The following USP25 variants were observed in gnomAD, a reference collection of about 807,000 sequenced individuals.
USP25 encodes ubiquitin carboxyl-terminal hydrolase 25.
A neutral mutation model predicts 158.5 loss-of-function variants in USP25; 85 were observed. That is an observed-to-expected ratio of 0.54 (90% CI 0.45 to 0.64). The LOEUF (loss-of-function observed/expected upper bound fraction) is 0.64, where lower values mean the gene tolerates loss of function less well. Ranked by LOEUF, USP25 falls within the 30% of genes least tolerant of loss-of-function variation. USP25 has a pLI of 0.00. For missense variants in USP25, 1,242 were observed against 1,327.3 expected (o/e 0.94, Z 1.00); for synonymous variants, 464 against 460.4 (o/e 1.01, Z -0.10).
At chr21:15,791,439 G>A in intron 4 of USP25, 63 bp from the exon 5 acceptor site, 1 of 1,429,690 alleles carries the variant, frequency 7.0e-7, no homozygotes, top group East Asian at 2.5e-5. Context: ...CTTTTAGAAT[G>A]TGTGATATGC....
At chr21:15,762,809 A>G in intron 1 of USP25, 82 bp from the exon 2 acceptor site, 2 of 1,332,640 alleles carry the variant, frequency 1.5e-6, no homozygotes, top group South Asian at 1.5e-5. Context: ...TTGTTTTGGA[A>G]AACCAAAGGT....
chr21:15,749,193 A>T (rs2032801677), intron 1 of USP25, among the ~76,000 whole-genome samples: 1 of 152,190 alleles, frequency 6.6e-6, no homozygotes, highest in Admixed American at 6.5e-5. Flanking sequence ...ACTTGTGAGT[A>T]CTTTGCCTTG....
At chr21:15,876,122 T>A (rs1407997448) in intron 24 of USP25, 2 of 152,194 alleles carry the variant, frequency 1.3e-5, no homozygotes, top group South Asian at 4.1e-4. Context: ...TTAGGGAGTC[T>A]AATAGGAGGA....
At chr21:15,862,230 A>T (rs1298936057) in intron 20 of USP25, among the ~76,000 whole-genome samples, 2 of 152,148 alleles carry the variant, frequency 1.3e-5, no homozygotes, top group Admixed American at 1.3e-4. Flanking sequence ...TGAGTATCCC[A>T]AATCCAGAAT....
chr21:15,808,330 G>A (rs895625676), intron 7 of USP25, among the ~76,000 whole-genome samples: 2 of 152,010 alleles, frequency 1.3e-5, no homozygotes, highest in African/African-American at 4.8e-5. Context: ...GGTAGATATG[G>A]CTTAAAAAGT....
chr21:15,805,353 C>A, intron 7 of USP25, 95 bp downstream of exon 7: 1 of 1,196,044 alleles, frequency 8.4e-7, no homozygotes, highest in Non-Finnish European at 1.1e-6. Context: ...ATTTGAGATG[C>A]ATGATTCTGC....
chr21:15,828,665 G>A (rs1290994438), intron 14 of USP25, among the ~76,000 whole-genome samples: 1 of 152,216 alleles, frequency 6.6e-6, no homozygotes, highest in Non-Finnish European at 1.5e-5. Context: ...TTGAGACGGA[G>A]TCTCGCTCTG....
chr21:15,860,965 T>G (rs1393718083), intron 20 of USP25, among the ~76,000 whole-genome samples: 40 of 141,942 alleles, frequency 2.8e-4, no homozygotes, highest in African/African-American at 9.6e-4. Context: ...TATATATATA[T>G]ATATATATAT....
chr21:15,813,901 T>G (rs74738114), intron 9 of USP25, among the ~76,000 whole-genome samples: 1,809 of 151,970 alleles, frequency 0.012, 37 homozygotes, highest in African/African-American at 0.042. Context: ...CCCTTTCAGT[T>G]TCTGATATAG....
chr21:15,787,561 A>G (rs2035348380), intron 4 of USP25, among the ~76,000 whole-genome samples: 1 of 152,148 alleles, frequency 6.6e-6, no homozygotes, highest in Non-Finnish European at 1.5e-5. Context: ...TAAAGAATAC[A>G]TAAATATTTT....
chr21:15,745,468 C>CT (rs2032459768), intron 1 of USP25, among the ~76,000 whole-genome samples: 1 of 130,282 alleles, frequency 7.7e-6, no homozygotes, highest in East Asian at 2.3e-4. Flanking sequence ...TTTTCTTTTT[C>CT]TTTTCTTTTT....
Position 15,775,739 on chromosome 21 carries a change from A to ACCGCCC in USP25, c.269-2163_269-2162insGCCCCC, listed in dbSNP as rs1306338460. On this transcript the variant is annotated intron_variant, in intron 3 of 25. Coordinates refer to ENST00000400183, the MANE Select transcript of USP25 (RefSeq NM_001283041.3). ...CAAAGGCAACAGGATAATGGTTGCCACCCCCCCCCCCCCCCGCCCCCGCTG... is the reference window on the plus strand; with the variant it reads ...CAAAGGCAACAGGATAATGGTTGCCACCGCCCCCCCCCCCCCCCCCCGCCCCCGCTG... Among the ~76,000 whole-genome samples, 17 of 14,052 alleles carry ACCGCCC rather than the reference A, an allele frequency of 1.2e-3. 1 individual carries two copies. Among genetic ancestry groups the ACCGCCC allele is most frequent in the Admixed American group, 1.8e-3 (2 of 1,102 alleles). The allele number at this position is 14,052 out of a possible 152,430, so 9.2% of individuals were successfully genotyped here.
In USP25 at chr21:15,805,197, T is replaced by C. The variant is rs1182437754; in HGVS notation, c.719T>C (p.Val240Ala). 3 of 1,610,520 alleles carry C rather than the reference T, an allele frequency of 1.9e-6. No individual in the cohort carries two copies. The highest frequency in any genetic ancestry group is 2.5e-6 in the Non-Finnish European group (3 of 1,178,592). Residue 240 changes from valine (V) to alanine (A), a missense_variant, in exon 7 of 26, where the codon GTT (valine) becomes GCT (alanine). By Grantham distance (64) the Val-to-Ala change is moderately conservative. This residue lies in a region of USP25 where 627 missense variants were observed against 701.4 expected (regional missense o/e 0.89). Transcript: ENST00000400183. ...CTTGTTGGTACCAAAAGGAAGTATGTTGATCCATCAAGAGCAGTTGAAATT... is the reference window on the plus strand; with the variant it reads ...CTTGTTGGTACCAAAAGGAAGTATGCTGATCCATCAAGAGCAGTTGAAATT... ...ALLVGTKRKYVDPSRAVEILK... is the reference protein window; with the variant it reads ...ALLVGTKRKYADPSRAVEILK...
intron 21 of USP25, among the ~76,000 whole-genome samples, chr21:15,864,878 A>G (rs976247301): frequency 3.3e-5 from 5 of 152,128 alleles, no homozygotes; most frequent in Non-Finnish European, 7.4e-5. Context: ...ATCTCCAGGT[A>G]TTGCCAAATA....
At chr21:15,775,292 C>T (rs1476291007) in intron 3 of USP25, among the ~76,000 whole-genome samples, 1 of 152,126 alleles carries the variant, frequency 6.6e-6, no homozygotes, top group Non-Finnish European at 1.5e-5. Flanking sequence ...TTTTACTTGT[C>T]AGTCATGATA....
At chr21:15,874,962 C>T (rs1044896016) in intron 24 of USP25, among the ~76,000 whole-genome samples, 2 of 152,010 alleles carry the variant, frequency 1.3e-5, no homozygotes, top group African/African-American at 2.4e-5. Flanking sequence ...GTCAGGAGAT[C>T]GAGACCATCC....
intron 20 of USP25, among the ~76,000 whole-genome samples, chr21:15,860,973 TATAG>T (rs1280922841): frequency 5.5e-4 from 78 of 142,488 alleles, no homozygotes; most frequent in Middle Eastern, 3.8e-3. Context: ...TATATATATA[TATAG>T]AGAGAGAGAG....
rs143232306 is a variant in USP25 at position 15,854,353 on chromosome 21, C to T, written c.2547+4481C>T. ...TAGAGACGGGGTTTCACCATATTGG[C>T]CAGGCTGGCCTCAAACTCCTGACCT... On this transcript the variant is annotated intron_variant, in intron 20 of 25. Coordinates refer to ENST00000400183, the MANE Select transcript of USP25 (RefSeq NM_001283041.3). Among the ~76,000 whole-genome samples the T allele has an allele frequency of 2.5e-3, 375 of 152,190 alleles. 2 individuals are homozygous for T. The highest frequency in any genetic ancestry group is 8.8e-3 in the African/African-American group (364 of 41,524).
chr21:15,762,764 T>A (rs1326004043), intron 1 of USP25, 127 bp from the exon 2 acceptor site: 1 of 783,336 alleles, frequency 1.3e-6, no homozygotes, highest in Non-Finnish European at 2.0e-6. Context: ...TTCTTTTTCC[T>A]TTTTTACTCT....
Sources: gnomAD v4.1 joint callset for allele counts (sites outside exome capture counted in the v4.1 genomes callset) on GRCh38, gnomAD v4.1.1 for gene constraint, gnomAD v4.1.1 regional missense constraint, MANE v1.5 for transcripts, NCBI Gene and HGNC (gene_info 2026-07-23, HGNC 2026-07-21) for gene names.